The following CHD6 variants were observed in gnomAD, a reference collection of about 807,000 sequenced individuals.
The protein encoded by CHD6 is chromodomain helicase DNA binding protein 6, also known as ATP-dependent chromatin remodeler CHD6.
A neutral mutation model predicts 276.9 loss-of-function variants in CHD6; 50 were observed. The observed-to-expected ratio is 0.18, with a 90% CI of 0.14 to 0.23. The LOEUF is 0.23. Among genes scored for constraint, CHD6 ranks in the 10% least tolerant of loss-of-function variants. The pLI, the probability that CHD6 is intolerant of heterozygous loss-of-function variation, is 1.00. For synonymous variants in CHD6, 1,173 were observed against 1,229.3 expected, an observed-to-expected ratio of 0.95 and a Z score of 0.96; for missense variants, 2,564 against 3,365.8, an observed-to-expected ratio of 0.76 and a Z score of 5.89.
In CHD6 at chr20:41,591,585, C is replaced by T. The variant is rs193223987; in HGVS notation, c.-24+26755G>A. 1.3e-3 allele frequency among the ~76,000 whole-genome samples: 202 copies of T among 151,994 alleles called. 4 individuals carry two copies. The highest frequency in any genetic ancestry group is 2.2e-4 in the African/African-American group (9 of 41,452). On this transcript the variant is annotated intron_variant, in intron 1 of 36. Transcript: ENST00000373233. The stretch of plus-strand genomic sequence containing the variant: ...GCGTGTGCCTATAATACCAGCTATT[C>T]GGGAGGCTGAGGCAGGAGAATCACT...
intron 1 of CHD6, among the ~76,000 whole-genome samples, chr20:41,588,839 T>C: frequency 6.6e-6 from 1 of 152,170 alleles, no homozygotes; most frequent in South Asian, 2.1e-4. Flanking sequence ...GGTCTAAAAT[T>C]ATTTTGTTGA....
At chr20:41,568,950 G>A (rs966175582) in intron 1 of CHD6, among the ~76,000 whole-genome samples, 6 of 152,104 alleles carry the variant, frequency 3.9e-5, no homozygotes, top group African/African-American at 1.4e-4. Flanking sequence ...TCAAACTCTG[G>A]ATTTTTCAAA....
chr20:41,577,394 T>A (rs1365250684), intron 1 of CHD6, among the ~76,000 whole-genome samples: 1 of 152,242 alleles, frequency 6.6e-6, no homozygotes, highest in South Asian at 2.1e-4. Context: ...TGGTATCCTG[T>A]GTGAATCTGT....
intron 1 of CHD6, among the ~76,000 whole-genome samples, chr20:41,581,208 G>A (rs764346663): frequency 2.1e-4 from 32 of 152,094 alleles, no homozygotes; most frequent in African/African-American, 5.8e-4. Context: ...AGATAGGTAC[G>A]GTACTATTAT....
intron 1 of CHD6, among the ~76,000 whole-genome samples, chr20:41,556,051 A>G (rs2045230289): frequency 6.6e-6 from 1 of 152,212 alleles, no homozygotes; most frequent in African/African-American, 2.4e-5. Context: ...GGAGCTGGAG[A>G]CCAGCCCGGC....
chr20:41,579,437 C>CAAAAAAAAAAAAAAA (rs574347177), intron 1 of CHD6, among the ~76,000 whole-genome samples: 9 of 69,956 alleles, frequency 1.3e-4, no homozygotes, highest in Admixed American at 1.6e-4. Context: ...GACTCTGTCT[C>CAAAAAAAAAAAAAAA]AAAAAAAAAA....
intron 7 of CHD6, chr20:41,497,847 G>A (rs1458635327): frequency 4.5e-6 from 2 of 441,390 alleles, no homozygotes; most frequent in African/African-American, 2.0e-5. Context: ...TATGCTACAG[G>A]AGAGTGGTTC....
chr20:41,519,620 A>G (rs1309790112), intron 3 of CHD6, among the ~76,000 whole-genome samples: 2 of 152,340 alleles, frequency 1.3e-5, no homozygotes, highest in East Asian at 1.9e-4. Flanking sequence ...CTGGCTAGCC[A>G]TATGTAGAAA....
chr20:41,565,298 G>T (rs1415441527), intron 1 of CHD6, among the ~76,000 whole-genome samples: 1 of 152,028 alleles, frequency 6.6e-6, no homozygotes, highest in Non-Finnish European at 1.5e-5. Context: ...TTTTCATCAT[G>T]TTGGCCAGGC....
chr20:41,600,915 T>A (rs886243680), intron 1 of CHD6, among the ~76,000 whole-genome samples: 23 of 152,282 alleles, frequency 1.5e-4, no homozygotes, highest in South Asian at 1.4e-3. Flanking sequence ...CCAGCCCCAC[T>A]GTTGAGGCAT....
At chr20:41,426,240 T>TC (rs2047359903) in intron 27 of CHD6, 87 bp from the exon 28 acceptor site, 1 of 939,694 alleles carries the variant, frequency 1.1e-6, no homozygotes, top group East Asian at 2.4e-5. Flanking sequence ...AGAGTAAGCA[T>TC]CACGCATAAG....
intron 1 of CHD6, among the ~76,000 whole-genome samples, chr20:41,572,594 G>A (rs1030526716): frequency 5.9e-5 from 9 of 152,138 alleles, no homozygotes; most frequent in African/African-American, 1.9e-4. Context: ...GTTTAACAGG[G>A]CCTTCCCAAT....
intron 2 of CHD6, among the ~76,000 whole-genome samples, chr20:41,544,295 C>T (rs943307321): frequency 4.6e-5 from 7 of 152,138 alleles, no homozygotes; most frequent in Admixed American, 3.9e-4. Flanking sequence ...CATCAATACT[C>T]GTTATGCGAG....
At chr20:41,486,551 T>A (rs1363482609) in intron 14 of CHD6, among the ~76,000 whole-genome samples, 1 of 152,202 alleles carries the variant, frequency 6.6e-6, no homozygotes, top group Admixed American at 6.6e-5. Flanking sequence ...CCCCAGGGTG[T>A]ACGCTTGACA....
intron 2 of CHD6, among the ~76,000 whole-genome samples, chr20:41,551,052 TCTA>T (rs1471959318): frequency 6.6e-6 from 1 of 152,240 alleles, no homozygotes; most frequent in African/African-American, 2.4e-5. Flanking sequence ...ATGTTTCTCT[TCTA>T]CTTGGCTAAT....
At chr20:41,500,090 A>G (rs1601017241) in intron 5 of CHD6, among the ~76,000 whole-genome samples, 2 of 152,184 alleles carry the variant, frequency 1.3e-5, no homozygotes, top group Admixed American at 1.3e-4. Flanking sequence ...AATGTTTAAC[A>G]TTCTTTCTAG....
In CHD6 at chr20:41,421,955, T is replaced by C; in HGVS notation, c.4680A>G (p.Glu1560=). The change falls in exon 31 of 37, where the codon GAA becomes GAG. Residue 1560 remains glutamate (E), a synonymous_variant. Coordinates refer to ENST00000373233, the MANE Select transcript of CHD6 (RefSeq NM_032221.5). ...EQVLKCPQLH[E]RLQLCRPSLY... Reference sequence around the variant, plus strand: ...GGCTGGGCCTGCACAGCTGGAGGCGTTCATGCAGCTGAGGGCACTTGAGCA... The same window carrying C: ...GGCTGGGCCTGCACAGCTGGAGGCGCTCATGCAGCTGAGGGCACTTGAGCA... The C allele has an allele frequency of 6.2e-7, 1 of 1,614,144 alleles. No homozygotes were observed. The highest frequency in any genetic ancestry group is 1.1e-5 in the South Asian group (1 of 91,072).
At chr20:41,584,622 T>C (rs2045574035) in intron 1 of CHD6, among the ~76,000 whole-genome samples, 1 of 152,022 alleles carries the variant, frequency 6.6e-6, no homozygotes, top group South Asian at 2.1e-4. Flanking sequence ...AATTATATTA[T>C]CCAACTACAA....
At chr20:41,571,826 A>G (rs1338507590) in intron 1 of CHD6, among the ~76,000 whole-genome samples, 1 of 152,210 alleles carries the variant, frequency 6.6e-6, no homozygotes. Context: ...TATAATAGAC[A>G]TTATAATAGA....
Sources: allele counts gnomAD v4.1 joint callset (sites outside exome capture counted in the v4.1 genomes callset), GRCh38; gene constraint gnomAD v4.1.1; transcripts MANE v1.5; gene names NCBI Gene and HGNC (gene_info 2026-07-23, HGNC 2026-07-21).